Variants in ARHGAP24 observed in about 807,000 individuals in gnomAD.
ARHGAP24 encodes Rho GTPase activating protein 24.
In ARHGAP24, 50 loss-of-function variants were observed where a neutral mutation model predicts 76.4. The observed-to-expected ratio is 0.65, with a 90% CI of 0.52 to 0.83. The LOEUF (loss-of-function observed/expected upper bound fraction) is 0.83, where lower values mean the gene tolerates loss of function less well. Ranked by LOEUF, ARHGAP24 falls within the 40% of genes least tolerant of loss-of-function variation. The pLI is 0.00. For missense variants in ARHGAP24, 930 were observed against 914.2 expected, an observed-to-expected ratio of 1.02 and a Z score of -0.22; for synonymous variants, 345 against 323.3, an observed-to-expected ratio of 1.07 and a Z score of -0.72.
intron 3 of ARHGAP24, among the ~76,000 whole-genome samples, chr4:85,755,239 ACTT>A: frequency 6.6e-6 from 1 of 152,204 alleles, no homozygotes; most frequent in African/African-American, 2.4e-5. Flanking sequence ...ATCCCAGTGT[ACTT>A]ATGGGGACAA....
At chr4:85,696,622 T>G (rs1723874955) in intron 2 of ARHGAP24, among the ~76,000 whole-genome samples, 1 of 152,232 alleles carries the variant, frequency 6.6e-6, no homozygotes, top group Admixed American at 6.5e-5. Context: ...TTGAATGCCC[T>G]GTTATACATC....
intron 1 of ARHGAP24, among the ~76,000 whole-genome samples, chr4:85,535,407 G>T (rs1032294984): frequency 6.6e-6 from 1 of 152,176 alleles, no homozygotes; most frequent in Non-Finnish European, 1.5e-5. Flanking sequence ...GAATGTAGAA[G>T]TTGGCACTTA....
At chr4:85,989,082 A>AATC (rs1740171667) in intron 8 of ARHGAP24, among the ~76,000 whole-genome samples, 1 of 151,578 alleles carries the variant, frequency 6.6e-6, no homozygotes, top group African/African-American at 2.4e-5. Context: ...GAACAAAAAC[A>AATC]ATCTAGAAAA....
At chr4:85,897,016 G>A (rs9999878) in intron 3 of ARHGAP24, among the ~76,000 whole-genome samples, 4 of 152,096 alleles carry the variant, frequency 2.6e-5, no homozygotes, top group Non-Finnish European at 4.4e-5. Flanking sequence ...GGCATTGCAC[G>A]TGCAGCATAC....
At chr4:85,961,015 A>G (rs1177740472) in intron 5 of ARHGAP24, among the ~76,000 whole-genome samples, 1 of 152,134 alleles carries the variant, frequency 6.6e-6, no homozygotes, top group African/African-American at 2.4e-5. Context: ...CCTCTTCTCA[A>G]TAAATTTGTT....
chr4:85,529,133 A>G (rs755111083), intron 1 of ARHGAP24, among the ~76,000 whole-genome samples: 4 of 152,058 alleles, frequency 2.6e-5, no homozygotes, highest in Non-Finnish European at 4.4e-5. Context: ...GTATGTGCAC[A>G]TATAGTAAAA....
chr4:85,959,865 G>A (rs1039544777), intron 5 of ARHGAP24, among the ~76,000 whole-genome samples: 2 of 152,100 alleles, frequency 1.3e-5, no homozygotes, highest in African/African-American at 4.8e-5. Flanking sequence ...ATATGAAATG[G>A]CCTTTTATTT....
intron 2 of ARHGAP24, among the ~76,000 whole-genome samples, chr4:85,655,548 A>G (rs1199027295): frequency 2.6e-5 from 4 of 151,942 alleles, no homozygotes; most frequent in Non-Finnish European, 5.9e-5. Context: ...TTGGGAAGCC[A>G]AGGCAGGTGG....
chr4:85,522,944 T>A (rs1488847633), intron 1 of ARHGAP24, among the ~76,000 whole-genome samples: 1 of 152,176 alleles, frequency 6.6e-6, no homozygotes, highest in African/African-American at 2.4e-5. Context: ...AAACAATTCC[T>A]TTTTGTCTGA....
At chr4:85,756,811 C>G (rs1478676639) in intron 3 of ARHGAP24, among the ~76,000 whole-genome samples, 1 of 152,130 alleles carries the variant, frequency 6.6e-6, no homozygotes, top group Non-Finnish European at 1.5e-5. Flanking sequence ...GTTTATTGAT[C>G]TGCAGTATAA....
chr4:85,905,106 C>CA (rs1560708666), intron 3 of ARHGAP24, among the ~76,000 whole-genome samples: 1 of 151,772 alleles, frequency 6.6e-6, no homozygotes, highest in South Asian at 2.1e-4. Flanking sequence ...TCTTCCATTA[C>CA]AAAAAACATT....
At position 85,994,949 on chromosome 4, in the gene ARHGAP24, T is replaced by G; in HGVS notation, c.1295T>G (p.Ile432Arg). Reference protein sequence around the residue: ...KNPAFNKGSGIVTNGSFSSSN... With the variant: ...KNPAFNKGSGRVTNGSFSSSN... ...CCAGCCTTTAATAAGGGTAGTGGGA[T>G]AGTTACCAATGGGTCCTTCAGCAGC... Residue 432 changes from isoleucine (I) to arginine (R), a missense_variant, in exon 9 of 10, where the codon ATA becomes AGA. Ile to Arg is a moderately conservative substitution (Grantham distance 97). Coordinates refer to ENST00000395184, the MANE Select transcript of ARHGAP24 (RefSeq NM_001025616.3). 1 of 1,614,080 alleles carries G rather than the reference T, an allele frequency of 6.2e-7. No individual in the cohort carries two copies. The highest frequency in any genetic ancestry group is 2.2e-5 in the East Asian group (1 of 44,868).
chr4:85,622,598 T>C (rs1720761026), intron 2 of ARHGAP24, among the ~76,000 whole-genome samples: 3 of 152,168 alleles, frequency 2.0e-5, no homozygotes, highest in Admixed American at 1.3e-4. Context: ...TTATAGTCCT[T>C]TGGGTATATA....
chr4:85,482,374 G>A (rs1722849919), intron 1 of ARHGAP24, among the ~76,000 whole-genome samples: 4 of 152,092 alleles, frequency 2.6e-5, no homozygotes, highest in Admixed American at 2.6e-4. Context: ...TGCTTTCATC[G>A]TGGGATAACT....
chr4:85,838,274 A>G (rs958126131), intron 3 of ARHGAP24, among the ~76,000 whole-genome samples: 4 of 152,174 alleles, frequency 2.6e-5, no homozygotes, highest in Middle Eastern at 3.2e-3. Flanking sequence ...CTCTCAAGAG[A>G]GACATGTAAT....
rs147870358 is a variant in ARHGAP24, at chr4:85,995,096, C to G, written c.1442C>G (p.Thr481Arg). ...KMGTHSVQNGTVRMGILNSDT... is the reference protein window; with the variant it reads ...KMGTHSVQNGRVRMGILNSDT... ...GGCACGCACAGTGTACAGAATGGAACGGTGCGCATGGGCATTTTGAACAGC... is the reference window on the plus strand; with the variant it reads ...GGCACGCACAGTGTACAGAATGGAAGGGTGCGCATGGGCATTTTGAACAGC... Residue 481 changes from threonine to arginine, a missense_variant, in exon 9 of 10, where the codon ACG becomes AGG. Coordinates refer to ENST00000395184, the MANE Select transcript of ARHGAP24 (RefSeq NM_001025616.3). 1.2e-6 allele frequency: 2 copies of G among 1,613,876 alleles called. No individual in the cohort carries two copies. Among genetic ancestry groups the G allele is most frequent in the African/African-American group, 1.3e-5 (1 of 74,874 alleles).
At chr4:85,743,952 T>C (rs1426229029) in intron 3 of ARHGAP24, among the ~76,000 whole-genome samples, 1 of 152,220 alleles carries the variant, frequency 6.6e-6, no homozygotes, top group East Asian at 1.9e-4. Flanking sequence ...TAGCATCTTT[T>C]CAAGTTCTCA....
At chr4:85,665,824 A>T (rs568344385) in intron 2 of ARHGAP24, among the ~76,000 whole-genome samples, 3,737 of 152,116 alleles carry the variant, frequency 0.025, 165 homozygotes, top group African/African-American at 0.086. Flanking sequence ...TCTTTTCTTT[A>T]AGAATGTTGA....
intron 3 of ARHGAP24, among the ~76,000 whole-genome samples, chr4:85,850,642 C>T (rs1395974004): frequency 3.3e-5 from 5 of 152,094 alleles, no homozygotes; most frequent in Admixed American, 3.3e-4. Context: ...GATTCTGGTA[C>T]ATTGTGTCTT....
Sources: allele counts gnomAD v4.1 joint callset (sites outside exome capture counted in the v4.1 genomes callset), GRCh38; gene constraint gnomAD v4.1.1; transcripts MANE v1.5; gene names NCBI Gene and HGNC (gene_info 2026-07-23, HGNC 2026-07-21).